Variants in PELI2 observed in about 807,000 individuals in gnomAD.
PELI2 encodes pellino E3 ubiquitin protein ligase family member 2.
A neutral mutation model predicts 42.3 loss-of-function variants in PELI2; 23 were observed. That is an observed-to-expected ratio of 0.54 (90% CI 0.39 to 0.77). PELI2 has a LOEUF of 0.77. Ranked by LOEUF, PELI2 falls within the 30% of genes least tolerant of loss-of-function variation. The pLI is 0.00. For synonymous variants in PELI2, 245 were observed against 212.2 expected (o/e 1.15, Z -1.34); for missense variants, 463 against 553.2 (o/e 0.84, Z 1.64).
At chr14:56,257,951 C>G (rs1594690976) in intron 2 of PELI2, among the ~76,000 whole-genome samples, 1 of 152,176 alleles carries the variant, frequency 6.6e-6, no homozygotes, top group Admixed American at 6.5e-5. Context: ...TCTCTGAGCC[C>G]TTGGTCAGGT....
At chr14:56,146,342 G>A (rs1884116149) in intron 1 of PELI2, among the ~76,000 whole-genome samples, 2 of 152,174 alleles carry the variant, frequency 1.3e-5, no homozygotes, top group Non-Finnish European at 2.9e-5. Context: ...GGGACATTGA[G>A]AAAGAAGATT....
intron 2 of PELI2, among the ~76,000 whole-genome samples, chr14:56,215,951 C>T (rs1594647578): frequency 6.6e-6 from 1 of 152,152 alleles, no homozygotes; most frequent in East Asian, 1.9e-4. Flanking sequence ...GAATATATAT[C>T]ACATTTAAGC....
chr14:56,211,096 C>T, intron 2 of PELI2, among the ~76,000 whole-genome samples: 1 of 152,128 alleles, frequency 6.6e-6, no homozygotes, highest in Non-Finnish European at 1.5e-5. Flanking sequence ...GGTACTTTGT[C>T]TTGCTACGCT....
At chr14:56,186,031 A>C (rs933794882) in intron 2 of PELI2, among the ~76,000 whole-genome samples, 1 of 152,202 alleles carries the variant, frequency 6.6e-6, no homozygotes, top group South Asian at 2.1e-4. Flanking sequence ...GACTTAAAAT[A>C]GGGAGATTAT....
intron 1 of PELI2, among the ~76,000 whole-genome samples, chr14:56,137,201 T>TC: frequency 3.9e-5 from 1 of 25,332 alleles, no homozygotes; most frequent in African/African-American, 3.8e-4. Flanking sequence ...CATAGTAACC[T>TC]TTTTTTTTTG....
chr14:56,274,139 G>T (rs1889205910), intron 2 of PELI2, among the ~76,000 whole-genome samples: 1 of 152,166 alleles, frequency 6.6e-6, no homozygotes, highest in African/African-American at 2.4e-5. Flanking sequence ...GAGGAGAGTG[G>T]GAGAGCTAGC....
At position 56,168,886 on chromosome 14, in the gene PELI2, A is replaced by C. The variant is rs1387449558; in HGVS notation, c.78-9449A>C. The stretch of plus-strand genomic sequence containing the variant: ...AGGGTTCAAGGGCTCTTCAGTTAAC[A>C]GGTGATGAATTCTGGCAGGACTGGG... On this transcript the variant is annotated intron_variant, in intron 1 of 5. Transcript: ENST00000267460. Among the ~76,000 whole-genome samples the C allele has an allele frequency of 2.0e-5, 3 of 151,956 alleles. 1 individual carries two copies. The highest frequency in any genetic ancestry group is 7.3e-5 in the African/African-American group (3 of 41,356).
chr14:56,279,616 C>T, intron 2 of PELI2, 60 bp from the exon 3 acceptor site: 1 of 958,828 alleles, frequency 1.0e-6, no homozygotes, highest in Admixed American at 1.8e-5. Flanking sequence ...TAACTACAGG[C>T]AGAATTGATA....
chr14:56,216,773 C>A (rs1886919062), intron 2 of PELI2, among the ~76,000 whole-genome samples: 1 of 152,202 alleles, frequency 6.6e-6, no homozygotes, highest in Admixed American at 6.5e-5. Context: ...AGTGTTCTGG[C>A]TCCCCTGAAA....
chr14:56,214,707 A>G (rs1420945799), intron 2 of PELI2, among the ~76,000 whole-genome samples: 1 of 152,190 alleles, frequency 6.6e-6, no homozygotes, highest in African/African-American at 2.4e-5. Flanking sequence ...TTTGGGTGGA[A>G]TACTGTATAG....
intron 2 of PELI2, among the ~76,000 whole-genome samples, chr14:56,244,443 C>G (rs577879811): frequency 6.6e-6 from 1 of 152,166 alleles, no homozygotes; most frequent in African/African-American, 2.4e-5. Context: ...GAGAAATGTT[C>G]AGTGACTTTC....
chr14:56,256,161 C>T (rs1250823000), intron 2 of PELI2, among the ~76,000 whole-genome samples: 1 of 152,140 alleles, frequency 6.6e-6, no homozygotes. Flanking sequence ...GGAGCAGTGG[C>T]TCATGCCTGT....
At chr14:56,207,980 C>T (rs1275456078) in intron 2 of PELI2, among the ~76,000 whole-genome samples, 1 of 152,218 alleles carries the variant, frequency 6.6e-6, no homozygotes, top group Admixed American at 6.5e-5. Flanking sequence ...ACATAAAACT[C>T]TAATCTTTTC....
intron 2 of PELI2, among the ~76,000 whole-genome samples, chr14:56,260,990 G>C (rs1418808740): frequency 6.6e-6 from 1 of 151,984 alleles, no homozygotes; most frequent in Non-Finnish European, 1.5e-5. Flanking sequence ...CCGTGAGGCT[G>C]TCTCTAGATA....
At chr14:56,250,620 G>A (rs1191850058) in intron 2 of PELI2, among the ~76,000 whole-genome samples, 4 of 152,074 alleles carry the variant, frequency 2.6e-5, no homozygotes, top group Non-Finnish European at 4.4e-5. Context: ...GGAAGCATGC[G>A]GCATGGTAGA....
intron 1 of PELI2, among the ~76,000 whole-genome samples, chr14:56,143,321 A>G (rs1410418398): frequency 3.9e-5 from 6 of 152,248 alleles, no homozygotes; most frequent in Non-Finnish European, 4.4e-5. Flanking sequence ...ACAAATGATG[A>G]TGAAATGTCT....
intron 1 of PELI2, among the ~76,000 whole-genome samples, chr14:56,174,015 C>A (rs1885276734): frequency 6.6e-6 from 1 of 152,188 alleles, no homozygotes; most frequent in Non-Finnish European, 1.5e-5. Context: ...GATTCTCCTG[C>A]CTCAGCCTCT....
Position 56,131,998 on chromosome 14 carries a change from A to AT in PELI2, c.77+13265dup, listed in dbSNP as rs529735002. ...GCGGAGGGGATTTCCCCCTCACTGAATTTTCCTTGCTCCTGTGCAATTTAC... is the reference window on the plus strand; with the variant it reads ...GCGGAGGGGATTTCCCCCTCACTGAATTTTTCCTTGCTCCTGTGCAATTTAC... On this transcript the variant is annotated intron_variant, in intron 1 of 5. Coordinates refer to ENST00000267460, the MANE Select transcript of PELI2 (RefSeq NM_021255.3). Among the ~76,000 whole-genome samples, 9 of 152,096 alleles carry AT rather than the reference A, an allele frequency of 5.9e-5. No homozygotes were observed. In the East Asian group the frequency reaches 1.7e-3, roughly 29 times the overall value.
chr14:56,157,031 T>A (rs1884592936), intron 1 of PELI2, among the ~76,000 whole-genome samples: 1 of 152,260 alleles, frequency 6.6e-6, no homozygotes, highest in South Asian at 2.1e-4. Flanking sequence ...CTAGCATCCA[T>A]GTAAAATATA....
Sources: gnomAD v4.1 joint callset for allele counts (sites outside exome capture counted in the v4.1 genomes callset) on GRCh38, gnomAD v4.1.1 for gene constraint, MANE v1.5 for transcripts, NCBI Gene and HGNC (gene_info 2026-07-23, HGNC 2026-07-21) for gene names.